Variants in ADAMTSL1 observed in about 807,000 individuals in gnomAD.
ADAMTSL1 encodes ADAMTS-like protein 1.
Under a neutral mutation model 201.8 loss-of-function variants are expected in ADAMTSL1, and 126 were observed. The observed-to-expected ratio is 0.62, with a 90% CI of 0.54 to 0.72. ADAMTSL1 has a LOEUF of 0.72. Among genes scored for constraint, ADAMTSL1 ranks in the 30% least tolerant of loss-of-function variants. The pLI is 0.00. For missense variants in ADAMTSL1, 2,679 were observed against 2,277.8 expected (o/e 1.18, Z -3.59); for synonymous variants, 1,121 against 903.4 (o/e 1.24, Z -4.32).
chr9:18,658,052 G>A (rs1828821827), intron 8 of ADAMTSL1, among the ~76,000 whole-genome samples: 1 of 148,888 alleles, frequency 6.7e-6, no homozygotes, highest in Admixed American at 6.8e-5. Context: ...TCGGCTCGCT[G>A]CAAGCTCCGC....
At chr9:18,284,970 A>G (rs989405310) in intron 2 of ADAMTSL1, among the ~76,000 whole-genome samples, 28 of 152,138 alleles carry the variant, frequency 1.8e-4, no homozygotes, top group Non-Finnish European at 3.2e-4. Flanking sequence ...GTCACTTTCA[A>G]TGTTTTTCTA....
At chr9:18,635,429 G>A (rs1827050995) in intron 5 of ADAMTSL1, among the ~76,000 whole-genome samples, 1 of 152,036 alleles carries the variant, frequency 6.6e-6, no homozygotes, top group East Asian at 1.9e-4. Flanking sequence ...TATAGTATTA[G>A]GAATAGATAT....
chr9:18,541,197 A>G (rs1239211915), intron 3 of ADAMTSL1, among the ~76,000 whole-genome samples: 3 of 152,134 alleles, frequency 2.0e-5, no homozygotes, highest in Non-Finnish European at 4.4e-5. Context: ...CTGCATTTGG[A>G]CAGTCTCTAA....
intron 1 of ADAMTSL1, among the ~76,000 whole-genome samples, chr9:18,482,613 A>G (rs771917450): frequency 1.6e-4 from 24 of 152,324 alleles, no homozygotes; most frequent in Non-Finnish European, 2.9e-4. Context: ...CCTATAATAA[A>G]TTCAAACTGT....
At chr9:18,510,511 C>G (rs1564007078) in intron 2 of ADAMTSL1, among the ~76,000 whole-genome samples, 1 of 152,122 alleles carries the variant, frequency 6.6e-6, no homozygotes, top group African/African-American at 2.4e-5. Context: ...GGTTTCTCCC[C>G]TACCCTTTTT....
chr9:18,121,428 A>G (rs1825492634), intron 1 of ADAMTSL1, among the ~76,000 whole-genome samples: 1 of 152,222 alleles, frequency 6.6e-6, no homozygotes, highest in African/African-American at 2.4e-5. Context: ...TTATAGGGTC[A>G]GTCCCTAAAG....
At position 18,066,844 on chromosome 9, in the gene ADAMTSL1, A is replaced by G. The variant is rs369180733; in HGVS notation, c.88-97018A>G. ...GAGTTCATGTCCTTTGGAGAGACATAGATGAAAGTGGAAATCATCATTCTC... is the reference window on the plus strand; with the variant it reads ...GAGTTCATGTCCTTTGGAGAGACATGGATGAAAGTGGAAATCATCATTCTC... On this transcript the variant is annotated intron_variant, in intron 1 of 29. Transcript: ENST00000680146. Among the ~76,000 whole-genome samples, 242 of 152,354 alleles carry G rather than the reference A, an allele frequency of 1.6e-3. 7 individuals are homozygous for G. In the South Asian group the frequency reaches 0.049, roughly 31 times the overall value.
chr9:18,375,456 A>T (rs972272533), intron 2 of ADAMTSL1, among the ~76,000 whole-genome samples: 2 of 151,992 alleles, frequency 1.3e-5, no homozygotes, highest in African/African-American at 2.4e-5. Context: ...AAGGTACATC[A>T]TTTTTTTTGT....
chr9:18,748,714 A>G (rs944479975), intron 15 of ADAMTSL1, among the ~76,000 whole-genome samples: 1 of 152,200 alleles, frequency 6.6e-6, no homozygotes, highest in African/African-American at 2.4e-5. Flanking sequence ...TTTTCACTGC[A>G]TACTACTGAA....
At chr9:18,189,684 A>G (rs565953672) in intron 2 of ADAMTSL1, among the ~76,000 whole-genome samples, 1 of 152,180 alleles carries the variant, frequency 6.6e-6, no homozygotes, top group African/African-American at 2.4e-5. Context: ...GATAGCAACT[A>G]ATTTTTACTA....
At chr9:17,996,480 G>A (rs1819387070) in intron 1 of ADAMTSL1, among the ~76,000 whole-genome samples, 1 of 152,078 alleles carries the variant, frequency 6.6e-6, no homozygotes, top group African/African-American at 2.4e-5. Context: ...GACCAGGGAG[G>A]TGAAGATTGA....
At chr9:18,081,949 T>C (rs1171032585) in intron 1 of ADAMTSL1, among the ~76,000 whole-genome samples, 1 of 152,200 alleles carries the variant, frequency 6.6e-6, no homozygotes, top group Non-Finnish European at 1.5e-5. Flanking sequence ...AAGGTTAAGA[T>C]TGATGAAGAG....
chr9:18,086,539 A>G (rs1823778641), intron 1 of ADAMTSL1, among the ~76,000 whole-genome samples: 1 of 152,224 alleles, frequency 6.6e-6, no homozygotes, highest in South Asian at 2.1e-4. Context: ...TGATAATTAC[A>G]TTCTTTTACC....
At chr9:18,601,554 T>A (rs1824658188) in intron 4 of ADAMTSL1, among the ~76,000 whole-genome samples, 2 of 152,202 alleles carry the variant, frequency 1.3e-5, no homozygotes, top group South Asian at 4.1e-4. Context: ...ATGGAGTGAC[T>A]AACACAGTCA....
At chr9:18,170,866 A>G (rs1295064119) in intron 2 of ADAMTSL1, among the ~76,000 whole-genome samples, 1 of 152,114 alleles carries the variant, frequency 6.6e-6, no homozygotes, top group Non-Finnish European at 1.5e-5. Flanking sequence ...TACTGTTGTC[A>G]TCAGGTTTCT....
At chr9:18,662,208 T>C in intron 9 of ADAMTSL1, 135 bp downstream of exon 9, 1 of 1,210,398 alleles carries the variant, frequency 8.3e-7, no homozygotes, top group Non-Finnish European at 1.1e-6. Context: ...CAGTGTTCAT[T>C]ACTAATCACG....
At position 18,652,386 on chromosome 9, in the gene ADAMTSL1, A is replaced by G. The variant is rs867783341; in HGVS notation, c.835-5253A>G. Among the ~76,000 whole-genome samples, 877 of 119,524 alleles carry G rather than the reference A, an allele frequency of 7.3e-3. 5 individuals carry two copies. The highest frequency in any genetic ancestry group is 0.021 in the African/African-American group (796 of 37,224). The allele number at this position is 119,524 out of a possible 152,430, so 78.4% of individuals were successfully genotyped here. The stretch of plus-strand genomic sequence containing the variant: ...ATCTCAAAAAAAAAAAAAAAAAAGG[A>G]AAAAAAAAGAAAGCCTTTGTGATAC... On this transcript the variant is annotated intron_variant, in intron 7 of 28. Coordinates refer to ENST00000380548, the MANE Select transcript of ADAMTSL1 (RefSeq NM_001040272.6).
chr9:18,799,588 T>C (rs902191077), intron 20 of ADAMTSL1, among the ~76,000 whole-genome samples: 1 of 152,246 alleles, frequency 6.6e-6, no homozygotes, highest in African/African-American at 2.4e-5. Flanking sequence ...ACAAAAGAGA[T>C]ACTGTAAGGC....
At chr9:17,930,228 CCTGGTTTGA>C (rs1222143842) in intron 1 of ADAMTSL1, among the ~76,000 whole-genome samples, 1 of 152,038 alleles carries the variant, frequency 6.6e-6, no homozygotes, top group East Asian at 1.9e-4. Flanking sequence ...GAGTCATCCA[CCTGGTTTGA>C]CTGGTTTGAT....
Sources: gnomAD v4.1 joint callset for allele counts (sites outside exome capture counted in the v4.1 genomes callset) on GRCh38, gnomAD v4.1.1 for gene constraint, MANE v1.5 for transcripts, NCBI Gene and HGNC (gene_info 2026-07-23, HGNC 2026-07-21) for gene names.